Variants in PCDHGB2 observed in about 807,000 individuals in gnomAD.
The protein encoded by PCDHGB2 is protocadherin gamma-B2.
Under a neutral mutation model 59.3 loss-of-function variants are expected in PCDHGB2, and 55 were observed. The ratio of observed to expected loss-of-function variants is 0.93; its 90% CI spans 0.75 to 1.16. PCDHGB2 has a LOEUF of 1.16. PCDHGB2 is among the 50% of genes most tolerant of loss of function. The pLI, the probability that PCDHGB2 is intolerant of heterozygous loss-of-function variation, is 0.00. For synonymous variants in PCDHGB2, 516 were observed against 512.0 expected (o/e 1.01, Z -0.11); for missense variants, 1,228 against 1,198.5 (o/e 1.02, Z -0.36).
intron 1 of PCDHGB2, among the ~76,000 whole-genome samples, chr5:141,480,873 C>A (rs1026513782): frequency 6.6e-6 from 1 of 152,168 alleles, no homozygotes; most frequent in East Asian, 1.9e-4. Context: ...GGTGAAACCC[C>A]GTCTCTACTA....
At chr5:141,365,352 A>G in intron 1 of PCDHGB2, 1 of 1,613,938 alleles carries the variant, frequency 6.2e-7, no homozygotes. Flanking sequence ...CAGGACGTGA[A>G]TGACAATGCC....
intron 1 of PCDHGB2, chr5:141,410,904 A>G (rs2095446600): frequency 3.8e-6 from 1 of 262,528 alleles, no homozygotes; most frequent in African/African-American, 3.2e-5. Flanking sequence ...CCTAGGCTGG[A>G]GTGCAGTGGC....
chr5:141,510,847 AG>A, intron 3 of PCDHGB2, 99 bp from the exon 4 acceptor site: 3 of 1,595,350 alleles, frequency 1.9e-6, no homozygotes, highest in Non-Finnish European at 2.6e-6. Context: ...GTCAAGGCCC[AG>A]GGTGCTGTAT....
chr5:141,493,937 A>G lies in PCDHGB2; in HGVS notation c.2422-870A>G, dbSNP rs931274307. Among the ~76,000 whole-genome samples the G allele has an allele frequency of 6.6e-6, 1 of 152,212 alleles. No individual in the cohort carries two copies. The highest frequency in any genetic ancestry group is 1.5e-5 in the Non-Finnish European group (1 of 68,022). ...GGATAACACACCCCCTGGAAAGACCAGAAGGGACTCAGGAATGAAGTGGCT... is the reference window on the plus strand; with the variant it reads ...GGATAACACACCCCCTGGAAAGACCGGAAGGGACTCAGGAATGAAGTGGCT... On this transcript the variant is annotated intron_variant, in intron 1 of 3. Coordinates refer to ENST00000522605, the MANE Select transcript of PCDHGB2 (RefSeq NM_018923.3). This position sits in a 1 kb window ranked among gnomAD's most constrained non-coding sequence, Gnocchi z 4.3.
intron 1 of PCDHGB2, chr5:141,389,767 G>T: frequency 1.2e-6 from 2 of 1,613,028 alleles, no homozygotes; most frequent in Non-Finnish European, 1.7e-6. Context: ...CGCACAGCGC[G>T]TGCCTTAGGC....
At position 141,399,586 on chromosome 5, in the gene PCDHGB2, A is replaced by G. The variant is rs751097540; in HGVS notation, c.2421+37030A>G. The G allele has an allele frequency of 6.2e-6, 10 of 1,613,830 alleles. No individual in the cohort carries two copies. The East Asian group carries it at 1.3e-4, about 22-fold the overall frequency. Reference sequence around the variant, plus strand: ...GTTGAACGGCCAAGTCTCCTACTCTATCATGGCCAGCGACCTAGAGCCTCT... The same window carrying G: ...GTTGAACGGCCAAGTCTCCTACTCTGTCATGGCCAGCGACCTAGAGCCTCT... On this transcript the variant is annotated intron_variant, in intron 1 of 3. Coordinates refer to ENST00000522605, the MANE Select transcript of PCDHGB2 (RefSeq NM_018923.3).
intron 1 of PCDHGB2, chr5:141,395,380 T>C (rs1219736482): frequency 9.0e-7 from 1 of 1,112,054 alleles, no homozygotes; most frequent in African/African-American, 1.6e-5. Context: ...GTGGTGTTAC[T>C]ATAAAATTGA....
At chr5:141,473,942 G>A (rs1419813166) in intron 1 of PCDHGB2, among the ~76,000 whole-genome samples, 3 of 152,124 alleles carry the variant, frequency 2.0e-5, no homozygotes, top group Non-Finnish European at 2.9e-5. Flanking sequence ...AGTAGCTCAG[G>A]CCTGTAGTCC....
At chr5:141,381,826 C>CTTTTTTTTT (rs770630741) in intron 1 of PCDHGB2, among the ~76,000 whole-genome samples, 22 of 74,282 alleles carry the variant, frequency 3.0e-4, no homozygotes, top group African/African-American at 5.6e-4. Context: ...CTTTCTTCTT[C>CTTTTTTTTT]TTTTTTTTTT....
intron 1 of PCDHGB2, chr5:141,427,298 G>C (rs960474831): frequency 4.4e-6 from 2 of 456,752 alleles, no homozygotes; most frequent in East Asian, 1.4e-4. Context: ...TCCTAGATGA[G>C]AATGACAATG....
intron 1 of PCDHGB2, chr5:141,403,040 C>T: frequency 1.2e-6 from 2 of 1,614,068 alleles, no homozygotes; most frequent in Non-Finnish European, 1.7e-6. Context: ...CAGGGCCAGT[C>T]AGATTCGCTA....
At chr5:141,479,849 C>T (rs1014214860) in intron 1 of PCDHGB2, among the ~76,000 whole-genome samples, 7 of 152,208 alleles carry the variant, frequency 4.6e-5, no homozygotes. Context: ...AAGGTGACTG[C>T]AAGGCCTTTG....
intron 1 of PCDHGB2, among the ~76,000 whole-genome samples, chr5:141,481,194 T>C (rs74538051): frequency 0.017 from 2,576 of 152,298 alleles, 78 homozygotes; most frequent in African/African-American, 0.059. Context: ...CCAGGCCCAA[T>C]TTTTTTAAAA....
intron 1 of PCDHGB2, chr5:141,394,886 C>CT: frequency 1.9e-6 from 3 of 1,613,890 alleles, no homozygotes; most frequent in Non-Finnish European, 2.5e-6. Context: ...GCCTTACACT[C>CT]TATCTCGTGG....
At chr5:141,413,990 A>G (rs1179968710) in intron 1 of PCDHGB2, 6 of 1,613,434 alleles carry the variant, frequency 3.7e-6, no homozygotes, top group Admixed American at 1.7e-5. Context: ...ACAGCCACCG[A>G]CAGGGACGAA....
chr5:141,412,634 A>G (rs1322492563), intron 1 of PCDHGB2: 1 of 152,256 alleles, frequency 6.6e-6, no homozygotes, highest in African/African-American at 2.4e-5. Flanking sequence ...TTAAATTATA[A>G]GACTTTTCTG....
chr5:141,491,361 C>T lies in PCDHGB2; in HGVS notation c.2422-3446C>T. 1 of 1,614,132 alleles carries T rather than the reference C, an allele frequency of 6.2e-7. No homozygotes were observed. The highest frequency in any genetic ancestry group is 8.5e-7 in the Non-Finnish European group (1 of 1,179,982). ...CGACCGTCAGTCTCTTATCCCTAGT[C>T]ACCTTCACCTTTCTGTCAGCGAAGT... On this transcript the variant is annotated intron_variant, in intron 1 of 3. Transcript: ENST00000522605. The surrounding 1 kb of genome is among the most constrained non-coding windows in gnomAD (Gnocchi z 6.9).
rs142703691 is a variant in PCDHGB2 at position 141,489,691 on chromosome 5, C to T, written c.2422-5116C>T. On this transcript the variant is annotated intron_variant, in intron 1 of 3. Transcript: ENST00000522605. The surrounding 1 kb of genome is among the most constrained non-coding windows in gnomAD (Gnocchi z 4.5). ...CTCAGAATCAGCAGCATCTGGGGCACGATTCCCACTGGACAGTGCCCAGGA... is the reference window on the plus strand; with the variant it reads ...CTCAGAATCAGCAGCATCTGGGGCATGATTCCCACTGGACAGTGCCCAGGA... 8.1e-6 allele frequency: 13 copies of T among 1,614,164 alleles called. No individual in the cohort carries two copies. The highest frequency in any genetic ancestry group is 3.3e-5 in the South Asian group (3 of 91,080).
chr5:141,418,396 A>G lies in PCDHGB2; in HGVS notation c.2421+55840A>G, dbSNP rs139206858. 4.9e-3 allele frequency: 7,975 copies of G among 1,613,844 alleles called. 44 individuals are homozygous for G. The highest frequency in any genetic ancestry group is 9.4e-3 in the Admixed American group (567 of 60,030). On this transcript the variant is annotated intron_variant, in intron 1 of 3. Coordinates refer to ENST00000522605, the MANE Select transcript of PCDHGB2 (RefSeq NM_018923.3). Reference sequence around the variant, plus strand: ...AACTAAGTCCTAACGAGTATTTCTCATTGGTGGAGAAAGACAATCCTGATG... The same window carrying G: ...AACTAAGTCCTAACGAGTATTTCTCGTTGGTGGAGAAAGACAATCCTGATG...
Sources: gnomAD v4.1 joint callset for allele counts (sites outside exome capture counted in the v4.1 genomes callset) on GRCh38, gnomAD v4.1.1 for gene constraint, Gnocchi (gnomAD v3.1) non-coding constraint, MANE v1.5 for transcripts, NCBI Gene and HGNC (gene_info 2026-07-23, HGNC 2026-07-21) for gene names.